BRD3: variants seen among roughly 807,000 people sequenced by gnomAD.
BRD3 encodes the protein bromodomain-containing protein 3.
BRD3 carries 17 observed loss-of-function variants against 66.8 expected under a neutral mutation model. That is an observed-to-expected ratio of 0.25 (90% CI 0.17 to 0.38). BRD3 has a LOEUF of 0.38. Ranked by LOEUF, BRD3 falls within the 10% of genes least tolerant of loss-of-function variation. The pLI is 1.00. For missense variants in BRD3, 713 were observed against 956.1 expected, an observed-to-expected ratio of 0.75 and a Z score of 3.35; for synonymous variants, 421 against 393.2, an observed-to-expected ratio of 1.07 and a Z score of -0.84.
At position 134,040,242 on chromosome 9, in the gene BRD3, C is replaced by T. The variant is rs1057443906; in HGVS notation, c.1435G>A (p.Ala479Thr). 2 of 1,594,676 alleles carry T rather than the reference C, an allele frequency of 1.3e-6. No individual in the cohort carries two copies. The highest frequency in any genetic ancestry group is 1.7e-6 in the Non-Finnish European group (2 of 1,171,462). ...QLKAVHEQLA[A>T]LSQAPVNKPK... The stretch of plus-strand genomic sequence containing the variant: ...TTGTTTACTGGGGCCTGAGACAGGG[C>T]GGCCAGCTGCTCGTGCACGGCCTTC... Residue 479 changes from alanine to threonine, a missense_variant, in exon 9 of 12, where the codon GCC becomes ACC. By Grantham distance (58) the Ala-to-Thr change is moderately conservative (BLOSUM62 0). Coordinates refer to ENST00000303407, the MANE Select transcript of BRD3 (RefSeq NM_007371.4).
chr9:134,067,342 C>T (rs1466032477), intron 1 of BRD3, among the ~76,000 whole-genome samples: 1 of 151,572 alleles, frequency 6.6e-6, no homozygotes, highest in African/African-American at 2.4e-5. Flanking sequence ...CAGGGCCGAG[C>T]CCGGCCTTGC....
intron 11 of BRD3, chr9:134,034,484 C>T: frequency 1.6e-6 from 1 of 636,360 alleles, no homozygotes; most frequent in South Asian, 2.0e-5. Context: ...TGTTCACACA[C>T]ACTTGACATG....
At position 134,032,661 on chromosome 9, in the gene BRD3, TTTC is replaced by T. The variant is rs1843528800; in HGVS notation, c.*926_*928del. ...CATTTCTTCTGCGGTTTTTTCTTATTTTCTTTTTTTTAAAAATGACCAATGATG... is the reference window on the plus strand; with the variant it reads ...CATTTCTTCTGCGGTTTTTTCTTATTTTTTTTTTAAAAATGACCAATGATG... On this transcript the variant is annotated 3_prime_UTR_variant, in exon 12 of 12. Coordinates refer to ENST00000303407, the MANE Select transcript of BRD3 (RefSeq NM_007371.4). 1 of 226,482 alleles carries T rather than the reference TTTC, an allele frequency of 4.4e-6. No homozygotes were observed. Among genetic ancestry groups the T allele is most frequent in the Admixed American group, 5.7e-5 (1 of 17,548 alleles). The allele number at this position is 226,482 out of a possible 1,614,324, so 14.0% of individuals were successfully genotyped here. A position where few individuals can be genotyped will look rare whatever the true frequency, so the allele number is the denominator to read the frequency against.
In BRD3 at chr9:134,045,377, AG is replaced by A; in HGVS notation, c.1130del (p.Ala377ValfsTer6). 6.2e-7 allele frequency: 1 copy of A among 1,613,730 alleles called. No homozygotes were observed. The highest frequency in any genetic ancestry group is 8.5e-7 in the Non-Finnish European group (1 of 1,180,010). ...GREYPDAQGF[A>X]ADVRLMFSNC... ...TCGAGAACATCAGCCGGACATCAGC[AG>A]CAAAGCCCTGTGCGTCTGGGTACTC... On this transcript the variant is annotated frameshift_variant, in exon 7 of 12. Transcript: ENST00000303407. LOFTEE classifies it high-confidence loss of function. The surrounding 1 kb of genome is among the most constrained non-coding windows in gnomAD (Gnocchi z 4.8).
At position 134,033,372 on chromosome 9, in the gene BRD3, A is replaced by G; in HGVS notation, c.*218T>C. On this transcript the variant is annotated 3_prime_UTR_variant, in exon 12 of 12. Transcript: ENST00000303407. The surrounding 1 kb of genome is among the most constrained non-coding windows in gnomAD (Gnocchi z 5.1). ...AAGTGACTGAATTCAGTGATGAAGA[A>G]GAGACTTTCTGCAGAGTTCACACCT... The G allele has an allele frequency of 2.2e-6, 1 of 461,802 alleles. No homozygotes were observed. The highest frequency in any genetic ancestry group is 3.4e-5 in the East Asian group (1 of 29,682). 28.6% of individuals were successfully genotyped at this position (461,802 alleles called of 1,614,324 possible).
In BRD3 at chr9:134,041,887, G is replaced by A; in HGVS notation, c.1280C>T (p.Ala427Val). 6.2e-7 allele frequency: 1 copy of A among 1,611,092 alleles called. No homozygotes were observed. The highest frequency in any genetic ancestry group is 8.5e-7 in the Non-Finnish European group (1 of 1,178,648). Residue 427 changes from alanine to valine, a missense_variant, in exon 8 of 12, where the codon GCC (alanine) becomes GTC (valine). Transcript: ENST00000303407. ...CTTGCTCACCATGGGGGCCGCGGGG[G>A]CAGGCAGCGCCGGTGCCTCCACGGG... Reference protein sequence around the residue: ...DEPVEAPALPAPAAPMVSKGA... With the variant: ...DEPVEAPALPVPAAPMVSKGA...
chr9:134,053,271 G>C lies in BRD3; in HGVS notation c.207C>G (p.Asn69Lys), dbSNP rs774594958. 4.3e-6 allele frequency: 7 copies of C among 1,613,276 alleles called. No individual in the cohort carries two copies. In the East Asian group the frequency reaches 1.6e-4, roughly 36 times the overall value. ...FYQPVDAIKLNLPDYHKIIKN... is the reference protein window; with the variant it reads ...FYQPVDAIKLKLPDYHKIIKN... ...GGAGGCAGCAGCTACGCACCGGCAG[G>C]TTCAATTTGATTGCGTCCACGGGCT... Residue 69 changes from asparagine (N) to lysine (K), a missense_variant, in exon 2 of 12, where the codon AAC becomes AAG. Transcript: ENST00000303407.
At chr9:134,051,502 CA>C in intron 4 of BRD3, 59 bp downstream of exon 4, 1 of 1,446,964 alleles carries the variant, frequency 6.9e-7, no homozygotes. Flanking sequence ...CGTCCCAGCC[CA>C]TCCACCCGTG....
At chr9:134,036,478 A>G in intron 9 of BRD3, 154 bp from the exon 10 acceptor site, 1 of 1,578,494 alleles carries the variant, frequency 6.3e-7, no homozygotes, top group Non-Finnish European at 8.6e-7. Context: ...CCAAGGTTAG[A>G]AAAGTCGCTC....
chr9:134,060,438 A>T (rs967481146), intron 1 of BRD3, among the ~76,000 whole-genome samples: 41 of 152,088 alleles, frequency 2.7e-4, no homozygotes, highest in Admixed American at 1.7e-3. Context: ...ACGAAAATTT[A>T]AAAAAATTAG....
At position 134,036,285 on chromosome 9, in the gene BRD3, G is replaced by A. The variant is rs201445881; in HGVS notation, c.1683C>T (p.Tyr561=). The A allele has an allele frequency of 1.4e-5, 22 of 1,611,326 alleles. No individual in the cohort carries two copies. The highest frequency in any genetic ancestry group is 5.3e-5 in the African/African-American group (4 of 74,806). ...GGCCCTCCTCCTCTTCCTCTGAGTC[G>A]TAGGAGGCAGATGCCTGCTTGCCGC... ...KKGGKQASAS[Y]DSEEEEEGLP... Residue 561 remains tyrosine (Y), a synonymous_variant, in exon 10 of 12, where the codon TAC becomes TAT. Transcript: ENST00000303407.
chr9:134,036,444 A>T lies in BRD3; in HGVS notation c.1644-120T>A, dbSNP rs1319329002. 1.9e-6 allele frequency: 3 copies of T among 1,577,462 alleles called. No individual in the cohort carries two copies. In the Admixed American group the frequency reaches 5.7e-5, roughly 30 times the overall value. On this transcript the variant is annotated intron_variant, in intron 9 of 11. Transcript: ENST00000303407. Reference sequence around the variant, plus strand: ...TCTCTGGGACCAAGCTTTCTTCCCAAAGTGGTGCCCCAAGGCAGAAAATCC... The same window carrying T: ...TCTCTGGGACCAAGCTTTCTTCCCATAGTGGTGCCCCAAGGCAGAAAATCC...
At chr9:134,055,046 G>A (rs968524383) in intron 1 of BRD3, among the ~76,000 whole-genome samples, 1 of 147,378 alleles carries the variant, frequency 6.8e-6, no homozygotes, top group African/African-American at 2.7e-5. Flanking sequence ...TGAGGTGAGC[G>A]GGTGCCTCTC....
chr9:134,042,103 G>A lies in BRD3; in HGVS notation c.1216-152C>T, dbSNP rs1241527582. The A allele has an allele frequency of 7.5e-6, 7 of 928,344 alleles. No homozygotes were observed. The South Asian group carries it at 1.4e-4, about 18-fold the overall frequency. 57.5% of individuals were successfully genotyped at this position (928,344 alleles called of 1,614,324 possible). A position where few individuals can be genotyped will look rare whatever the true frequency, so the allele number is the denominator to read the frequency against. ...AGGAGACAGGGTCCCGCCTGCCTGG[G>A]GGGCTGTGGTTGCTTCCAGCTTGCC... On this transcript the variant is annotated intron_variant, in intron 7 of 11. Transcript: ENST00000303407.
At position 134,048,473 on chromosome 9, in the gene BRD3, C is replaced by G. The variant is rs1830223269; in HGVS notation, c.715-19G>C. On this transcript the variant is annotated intron_variant, in intron 5 of 11. Transcript: ENST00000303407. Reference sequence around the variant, plus strand: ...CCTTTTTCTGCGACAGTGAAATAACCAGTGAACCCCGGAAACCAGGGGCCC... The same window carrying G: ...CCTTTTTCTGCGACAGTGAAATAACGAGTGAACCCCGGAAACCAGGGGCCC... 7 of 1,597,884 alleles carry G rather than the reference C, an allele frequency of 4.4e-6. No homozygotes were observed. The highest frequency in any genetic ancestry group is 5.9e-6 in the Non-Finnish European group (7 of 1,179,696).
chr9:134,043,355 G>A (rs562886695), intron 7 of BRD3, among the ~76,000 whole-genome samples: 19 of 152,332 alleles, frequency 1.2e-4, no homozygotes, highest in South Asian at 1.2e-3. Context: ...CCCCTCCCTG[G>A]GGCAGCCCAG....
chr9:134,068,528 T>G (rs960065453), upstream of BRD3: 12 of 148,088 alleles, frequency 8.1e-5, no homozygotes, highest in Admixed American at 6.0e-4. Context: ...CGCGCCTAAT[T>G]AGCCTGGCGG....
Position 134,041,778 on chromosome 9 carries a change from C to A in BRD3, c.1389G>T (p.Leu463=). The change falls in exon 8 of 12, where the codon CTG becomes CTT. Residue 463 remains leucine, a synonymous_variant. Transcript: ENST00000303407. ...TGCCCACCTGCTCCTGCAGCTCCGCCAGCCTGGTGGCCCGCTCCTCCTCCG... is the reference window on the plus strand; with the variant it reads ...TGCCCACCTGCTCCTGCAGCTCCGCAAGCCTGGTGGCCCGCTCCTCCTCCG... The part of the protein sequence containing the change: ...SDSEEERATR[L]AELQEQLKAV... 1 of 1,611,346 alleles carries A rather than the reference C, an allele frequency of 6.2e-7. No individual in the cohort carries two copies. Among genetic ancestry groups the A allele is most frequent in the Non-Finnish European group, 8.5e-7 (1 of 1,179,790 alleles).
At chr9:134,040,437 C>A (rs114303438) in intron 8 of BRD3, among the ~76,000 whole-genome samples, 168 bp from the exon 9 acceptor site, 15,038 of 152,188 alleles carry the variant, frequency 0.099, 907 homozygotes, top group African/African-American at 0.17. Context: ...ACTCCCGTGA[C>A]CCCCAGTGAG....
Sources: gnomAD v4.1 joint callset for allele counts (sites outside exome capture counted in the v4.1 genomes callset) on GRCh38, gnomAD v4.1.1 for gene constraint, Gnocchi (gnomAD v3.1) non-coding constraint, MANE v1.5 for transcripts, NCBI Gene and HGNC (gene_info 2026-07-23, HGNC 2026-07-21) for gene names.